PIAS4: variants seen among roughly 807,000 people sequenced by gnomAD.
PIAS4 encodes E3 SUMO-protein ligase PIAS4.
Under a neutral mutation model 58.0 loss-of-function variants are expected in PIAS4, and 7 were observed. That is an observed-to-expected ratio of 0.12 (90% confidence interval 0.07 to 0.23). The LOEUF (loss-of-function observed/expected upper bound fraction) is 0.23, where lower values mean the gene tolerates loss of function less well. Ranked by LOEUF, PIAS4 falls within the 10% of genes least tolerant of loss-of-function variation. PIAS4 has a pLI of 1.00. For missense variants in PIAS4, 550 were observed against 709.5 expected (o/e 0.78, Z 2.55); for synonymous variants, 364 against 312.4 (o/e 1.17, Z -1.74).
chr19:4,020,837 G>T (rs2040102890), intron 2 of PIAS4, among the ~76,000 whole-genome samples: 1 of 152,180 alleles, frequency 6.6e-6, no homozygotes, highest in African/African-American at 2.4e-5. Flanking sequence ...CTGTGCTACA[G>T]CGATCCTCCC....
intron 3 of PIAS4, among the ~76,000 whole-genome samples, chr19:4,026,036 T>C (rs1344168488): frequency 1.6e-5 from 2 of 125,636 alleles, no homozygotes; most frequent in East Asian, 2.5e-4. Context: ...ATCCTGCCAC[T>C]GCACTCCAGC....
chr19:4,033,189 GTCCCCTCCTCGAGGCC>G lies in PIAS4; in HGVS notation c.981+19_981+34del, dbSNP rs745466910. 6.2e-6 allele frequency: 10 copies of G among 1,602,694 alleles called. No individual in the cohort carries two copies. Among genetic ancestry groups the G allele is most frequent in the African/African-American group, 1.3e-5 (1 of 74,808 alleles). ...CATCTGTCCGGTGAGTCGGGGCGCGGTCCCCTCCTCGAGGCCTCTCCTGCGGCCGGCCTTCCCCCCT... is the reference window on the plus strand; with the variant it reads ...CATCTGTCCGGTGAGTCGGGGCGCGGTCTCCTGCGGCCGGCCTTCCCCCCT... On this transcript the variant is annotated intron_variant, in intron 8 of 10. Transcript: ENST00000262971.
intron 2 of PIAS4, among the ~76,000 whole-genome samples, chr19:4,023,489 C>T (rs926621270): frequency 6.6e-6 from 1 of 151,508 alleles, no homozygotes; most frequent in Non-Finnish European, 1.5e-5. Flanking sequence ...ACAAAACAAA[C>T]AAAAACCAAT....
chr19:4,036,540 GCACACATCTATACAGTCCACACCGT>G lies in PIAS4; in HGVS notation c.1143-825_1143-801del, dbSNP rs1357852473. Among the ~76,000 whole-genome samples the G allele has an allele frequency of 1.9e-5, 2 of 105,576 alleles. 1 individual carries two copies. The highest frequency in any genetic ancestry group is 8.5e-5 in the African/African-American group (2 of 23,662). 69.3% of individuals were successfully genotyped at this position (105,576 alleles called of 152,430 possible). On this transcript the variant is annotated intron_variant, in intron 9 of 10. Coordinates refer to ENST00000262971, the MANE Select transcript of PIAS4 (RefSeq NM_015897.4). ...TCTATACAGTCCACACCTGTTACAT[GCACACATCTATACAGTCCACACCGT>G]CACACATCCATACAGTCCACACCGT... is the stretch of plus-strand genomic sequence containing the variant.
chr19:4,030,496 G>A (rs1177091569), intron 7 of PIAS4, among the ~76,000 whole-genome samples: 4 of 151,964 alleles, frequency 2.6e-5, no homozygotes, highest in Admixed American at 6.6e-5. Context: ...GCAGGCACCT[G>A]TAGTCCCAGC....
chr19:4,010,737 A>G (rs2039984862), intron 1 of PIAS4, among the ~76,000 whole-genome samples: 1 of 152,210 alleles, frequency 6.6e-6, no homozygotes, highest in Admixed American at 6.5e-5. Context: ...TTCCTCACCT[A>G]CACGATGGGT....
intron 1 of PIAS4, 136 bp from the exon 2 acceptor site, chr19:4,012,787 C>T (rs1320884378): frequency 1.0e-6 from 1 of 958,930 alleles, no homozygotes; most frequent in Non-Finnish European, 1.6e-6. Context: ...CAGGGCACTC[C>T]ACCAGCCCCA....
chr19:4,028,380 T>A (rs1387372569), intron 4 of PIAS4, 130 bp from the exon 5 acceptor site: 1 of 810,250 alleles, frequency 1.2e-6, no homozygotes, highest in Non-Finnish European at 2.0e-6. Flanking sequence ...CCGGGGGCCC[T>A]GATACCCCCC....
At chr19:4,026,806 C>G (rs1045688745) in intron 3 of PIAS4, among the ~76,000 whole-genome samples, 1 of 152,142 alleles carries the variant, frequency 6.6e-6, no homozygotes, top group East Asian at 1.9e-4. Context: ...CCCCAGACTT[C>G]TGACTAGCTA....
chr19:4,023,374 C>T (rs537671816), intron 2 of PIAS4, among the ~76,000 whole-genome samples: 10 of 152,158 alleles, frequency 6.6e-5, no homozygotes, highest in African/African-American at 9.6e-5. Flanking sequence ...GCAGGAGAAT[C>T]GCTTAAACCC....
At chr19:4,019,278 G>A (rs370572400) in intron 2 of PIAS4, among the ~76,000 whole-genome samples, 12 of 152,296 alleles carry the variant, frequency 7.9e-5, no homozygotes, top group Non-Finnish European at 1.0e-4. Context: ...TCAGCGGCCC[G>A]GGGCCAGTGG....
At chr19:4,009,117 G>A (rs1467500624) in intron 1 of PIAS4, among the ~76,000 whole-genome samples, 8 of 151,878 alleles carry the variant, frequency 5.3e-5, no homozygotes, top group Non-Finnish European at 1.0e-4. Context: ...CACGGCTTCC[G>A]GGGAGGTTAG....
At chr19:4,008,077 C>G (rs998445363) in intron 1 of PIAS4, among the ~76,000 whole-genome samples, 7 of 151,880 alleles carry the variant, frequency 4.6e-5, no homozygotes, top group Non-Finnish European at 1.0e-4. Context: ...GGTCCCTGAG[C>G]GCCAGGCCAG....
At chr19:4,017,955 G>A (rs35717881) in intron 2 of PIAS4, among the ~76,000 whole-genome samples, 28,088 of 152,154 alleles carry the variant, frequency 0.18, 2,721 homozygotes, top group Middle Eastern at 0.27. Context: ...GGTTACAGGC[G>A]TGAGCCACTG....
chr19:4,017,643 T>C (rs1345784782), intron 2 of PIAS4: 1 of 142,868 alleles, frequency 7.0e-6, no homozygotes, highest in African/African-American at 2.6e-5. Context: ...GGCCAGCACA[T>C]GGGCCAGCTG....
rs2040243105 is a variant in PIAS4 at position 4,033,433 on chromosome 19, G to A, written c.995G>A (p.Arg332Gln). 1 of 1,555,600 alleles carries A rather than the reference G, an allele frequency of 6.4e-7. No homozygotes were observed. Among genetic ancestry groups the A allele is most frequent in the Non-Finnish European group, 8.7e-7 (1 of 1,150,438 alleles). ...VSLICPLVKM[R>Q]LSVPCRAETC... ...CCTCCCCCACAGCTGGTGAAGATGC[G>A]GCTCTCCGTGCCCTGCCGGGCAGAG... The change falls in exon 9 of 11, where the codon CGG becomes CAG. Residue 332 changes from arginine (R) to glutamine (Q), a missense_variant. Transcript: ENST00000262971.
Position 4,037,195 on chromosome 19 carries a change from G to A in PIAS4, c.1143-179G>A, listed in dbSNP as rs1431387471. On this transcript the variant is annotated intron_variant, in intron 9 of 10. Transcript: ENST00000262971. This position sits in a 1 kb window ranked among gnomAD's most constrained non-coding sequence, Gnocchi z 5.8. ...ACCTGCCTGGGGCTCAGCACCTGCAGGGGCCTGAGGGCGGGGGAGGGAATG... is the reference window on the plus strand; with the variant it reads ...ACCTGCCTGGGGCTCAGCACCTGCAAGGGCCTGAGGGCGGGGGAGGGAATG... 6.6e-6 allele frequency among the ~76,000 whole-genome samples: 1 copy of A among 152,214 alleles called. No individual in the cohort carries two copies. The highest frequency in any genetic ancestry group is 1.9e-4 in the East Asian group (1 of 5,202).
At chr19:4,027,579 T>G (rs868671912) in intron 3 of PIAS4, among the ~76,000 whole-genome samples, 7 of 151,012 alleles carry the variant, frequency 4.6e-5, no homozygotes, top group Non-Finnish European at 7.4e-5. Flanking sequence ...TTTTTTTTTT[T>G]TTGGAGAGTG....
At chr19:4,026,868 G>A (rs1292844503) in intron 3 of PIAS4, among the ~76,000 whole-genome samples, 2 of 151,902 alleles carry the variant, frequency 1.3e-5, no homozygotes, top group South Asian at 2.1e-4. Context: ...TTTTTTTTGA[G>A]ACAGAGTCAC....
Sources: gnomAD v4.1 joint callset for allele counts (sites outside exome capture counted in the v4.1 genomes callset) on GRCh38, gnomAD v4.1.1 for gene constraint, Gnocchi (gnomAD v3.1) non-coding constraint, MANE v1.5 for transcripts, NCBI Gene and HGNC (gene_info 2026-07-23, HGNC 2026-07-21) for gene names.